SLC7A2: variants seen among roughly 807,000 people sequenced by gnomAD.
SLC7A2 encodes solute carrier family 7 member 2, also known as cationic amino acid transporter 2.
SLC7A2 carries 48 observed loss-of-function variants against 58.9 expected under a neutral mutation model. That is an observed-to-expected ratio of 0.82 (90% CI 0.65 to 1.04). SLC7A2 has a LOEUF of 1.04. SLC7A2 is among the 50% of genes least tolerant of loss of function. The pLI, the probability that SLC7A2 is intolerant of heterozygous loss-of-function variation, is 0.00. For synonymous variants in SLC7A2, 363 were observed against 314.5 expected (o/e 1.15, Z -1.63); for missense variants, 1,029 against 818.8 (o/e 1.26, Z -3.13).
chr8:17,548,666 C>CT lies in SLC7A2; in HGVS notation c.533-7dup. On this transcript the variant is annotated splice_polypyrimidine_tract_variant and intron_variant, in intron 4 of 12. Transcript: ENST00000494857. ...AAAGCTAAATAAAAATTGAAATGCC[C>CT]TTTTTCCATAGGTCTTTTGTCTTTT... 6.3e-7 allele frequency: 1 copy of CT among 1,584,858 alleles called. No individual in the cohort carries two copies. The highest frequency in any genetic ancestry group is 8.6e-7 in the Non-Finnish European group (1 of 1,166,550).
intron 2 of SLC7A2, among the ~76,000 whole-genome samples, chr8:17,528,494 C>T (rs976477913): frequency 2.0e-5 from 3 of 152,022 alleles, no homozygotes; most frequent in Non-Finnish European, 4.4e-5. Context: ...AAGGGATCCT[C>T]CCACTTGAGC....
In SLC7A2 at chr8:17,544,695, C is replaced by T. The variant is rs1477220858; in HGVS notation, c.532+89C>T. The stretch of plus-strand genomic sequence containing the variant: ...TACTTCTGAATTTGGGGCCTGAGTT[C>T]CCAAGATGAGATTAGTATATTTACA... On this transcript the variant is annotated intron_variant, in intron 4 of 12. Coordinates refer to ENST00000494857, the MANE Select transcript of SLC7A2 (RefSeq NM_001370338.1). 7.1e-6 allele frequency: 8 copies of T among 1,129,156 alleles called. No homozygotes were observed. The Admixed American group carries it at 1.2e-4, about 17-fold the overall frequency. The allele number at this position is 1,129,156 out of a possible 1,614,324, so 69.9% of individuals were successfully genotyped here.
rs573318248 is a variant in SLC7A2 at position 17,549,746 on chromosome 8, T to C, written c.699-555T>C. ...GTTTTTCTTGACAGAGGTTGTTTAG[T>C]CATTCCAATAAGGGAAAAAATTGGT... On this transcript the variant is annotated intron_variant, in intron 5 of 12. Transcript: ENST00000494857. 8.5e-5 allele frequency among the ~76,000 whole-genome samples: 13 copies of C among 152,328 alleles called. No homozygotes were observed. The South Asian group carries it at 2.7e-3, about 32-fold the overall frequency.
At chr8:17,531,493 C>T (rs952734461) in intron 2 of SLC7A2, among the ~76,000 whole-genome samples, 1 of 151,918 alleles carries the variant, frequency 6.6e-6, no homozygotes, top group African/African-American at 2.4e-5. Context: ...GTGTCTAATG[C>T]CTTTTATTTT....
At chr8:17,530,574 T>TTTTGTGAGTAAATAGA (rs1801408291) in intron 2 of SLC7A2, among the ~76,000 whole-genome samples, 1 of 7,624 alleles carries the variant, frequency 1.3e-4, no homozygotes, top group African/African-American at 1.6e-4. Flanking sequence ...AGTAAATAGA[T>TTTTGTGAGTAAATAGA]TTTTTTTTTT....
chr8:17,539,028 A>T, intron 2 of SLC7A2: 5 of 960,594 alleles, frequency 5.2e-6, no homozygotes, highest in Non-Finnish European at 8.1e-6. Flanking sequence ...AAGTGACTCA[A>T]TGCAACTTCA....
Position 17,566,502 on chromosome 8 carries a change from G to A in SLC7A2, c.*1356G>A, listed in dbSNP as rs80099757. On this transcript the variant is annotated 3_prime_UTR_variant, in exon 13 of 13. Transcript: ENST00000494857. Reference sequence around the variant, plus strand: ...CTTTTTATTCCATTTGCTTTCAAATGACTACACTAAGCCTAATAATACAAG... The same window carrying A: ...CTTTTTATTCCATTTGCTTTCAAATAACTACACTAAGCCTAATAATACAAG... 1 of 152,134 alleles carries A rather than the reference G, an allele frequency of 6.6e-6. No homozygotes were observed. Among genetic ancestry groups the A allele is most frequent in the African/African-American group, 2.4e-5 (1 of 41,488 alleles). The allele number at this position is 152,134 out of a possible 1,614,324, so 9.4% of individuals were successfully genotyped here.
intron 2 of SLC7A2, among the ~76,000 whole-genome samples, chr8:17,534,096 G>T (rs898453133): frequency 1.3e-5 from 2 of 152,146 alleles, no homozygotes; most frequent in East Asian, 3.9e-4. Flanking sequence ...ACATGATCTT[G>T]TTCCTTTTGA....
intron 2 of SLC7A2, among the ~76,000 whole-genome samples, chr8:17,535,188 T>C (rs915118627): frequency 1.3e-5 from 2 of 152,148 alleles, no homozygotes; most frequent in South Asian, 2.1e-4. Flanking sequence ...TAGCTCTGCT[T>C]ACCTCTGGCT....
intron 2 of SLC7A2, among the ~76,000 whole-genome samples, chr8:17,516,007 T>G (rs1021876877): frequency 1.3e-5 from 2 of 152,180 alleles, no homozygotes; most frequent in African/African-American, 4.8e-5. Context: ...AGTAAATACA[T>G]AGGATCATTG....
At chr8:17,545,136 G>T (rs1246020962) in intron 4 of SLC7A2, among the ~76,000 whole-genome samples, 1 of 152,130 alleles carries the variant, frequency 6.6e-6, no homozygotes, top group Non-Finnish European at 1.5e-5. Flanking sequence ...GTTTTTGTCA[G>T]TATTGTAGCA....
chr8:17,511,443 C>G (rs1438513138), intron 2 of SLC7A2: 1 of 152,142 alleles, frequency 6.6e-6, no homozygotes, highest in Non-Finnish European at 1.5e-5. Context: ...GTTGTGTAGT[C>G]ATTGTTTCAC....
At chr8:17,496,605 A>G (rs546851143), upstream of SLC7A2, among the ~76,000 whole-genome samples, 1 of 152,316 alleles carries the variant, frequency 6.6e-6, no homozygotes, top group African/African-American at 2.4e-5. Flanking sequence ...TAGCAACTGC[A>G]CATTATTTAT....
chr8:17,517,739 T>C (rs567149130), intron 2 of SLC7A2, among the ~76,000 whole-genome samples: 7 of 152,132 alleles, frequency 4.6e-5, no homozygotes, highest in African/African-American at 1.7e-4. Context: ...GGAGATGAAG[T>C]TTTACAATTC....
chr8:17,511,742 A>C (rs774428746), intron 2 of SLC7A2, among the ~76,000 whole-genome samples: 4 of 152,202 alleles, frequency 2.6e-5, no homozygotes, highest in Admixed American at 6.5e-5. Flanking sequence ...AAGCTAATAA[A>C]CTGGGGGCTT....
intron 4 of SLC7A2, among the ~76,000 whole-genome samples, chr8:17,545,403 CTT>C (rs386412194): frequency 2.3e-4 from 15 of 64,268 alleles, no homozygotes; most frequent in Admixed American, 5.9e-4. Context: ...TGAACATTTT[CTT>C]TTTTTTTTTT....
intron 8 of SLC7A2, among the ~76,000 whole-genome samples, chr8:17,556,523 C>G (rs1189752276): frequency 6.6e-6 from 1 of 152,008 alleles, no homozygotes; most frequent in Non-Finnish European, 1.5e-5. Context: ...GACAACTTAT[C>G]ATTTTCTTCT....
intron 6 of SLC7A2, among the ~76,000 whole-genome samples, chr8:17,551,558 A>G (rs527618145): frequency 1.1e-4 from 17 of 152,294 alleles, no homozygotes; most frequent in African/African-American, 4.1e-4. Context: ...AGATCACGCC[A>G]CTGCACTCCA....
chr8:17,530,799 T>C (rs1465175090), intron 2 of SLC7A2, among the ~76,000 whole-genome samples: 1 of 152,110 alleles, frequency 6.6e-6, no homozygotes, highest in Non-Finnish European at 1.5e-5. Flanking sequence ...CTCAAACTCC[T>C]GACCTCAAGT....
Sources: allele counts gnomAD v4.1 joint callset (sites outside exome capture counted in the v4.1 genomes callset), GRCh38; gene constraint gnomAD v4.1.1; transcripts MANE v1.5; gene names NCBI Gene and HGNC (gene_info 2026-07-23, HGNC 2026-07-21).